Variants in SERGEF observed in about 807,000 individuals in gnomAD.
The protein encoded by SERGEF is secretion regulating guanine nucleotide exchange factor.
Under a neutral mutation model 50.0 loss-of-function variants are expected in SERGEF, and 51 were observed. That is an observed-to-expected ratio of 1.02 (90% CI 0.81 to 1.29). The LOEUF is 1.29. SERGEF is among the 50% of genes most tolerant of loss of function. The probability of loss-of-function intolerance (pLI) is 0.00; values close to 1 mark genes in which losing one functional copy is unlikely to be tolerated. For synonymous variants in SERGEF, 205 were observed against 212.4 expected (o/e 0.97, Z 0.30); for missense variants, 521 against 557.0 (o/e 0.94, Z 0.65).
At chr11:17,872,172 G>T (rs1851151564) in intron 10 of SERGEF, among the ~76,000 whole-genome samples, 1 of 152,174 alleles carries the variant, frequency 6.6e-6, no homozygotes, top group Non-Finnish European at 1.5e-5. Context: ...TCAAACAAAG[G>T]CATCTTTGGA....
intron 9 of SERGEF, among the ~76,000 whole-genome samples, chr11:17,895,241 G>A (rs576010282): frequency 1.3e-5 from 2 of 152,194 alleles, no homozygotes; most frequent in African/African-American, 2.4e-5. Flanking sequence ...AAAACAAAAC[G>A]TATTGAGGCC....
At chr11:17,843,026 C>T (rs577686046) in intron 10 of SERGEF, among the ~76,000 whole-genome samples, 6 of 152,310 alleles carry the variant, frequency 3.9e-5, no homozygotes, top group Non-Finnish European at 8.8e-5. Flanking sequence ...GGATCCCCAA[C>T]CTATAATAGT....
chr11:17,974,529 G>A (rs1271843561), intron 8 of SERGEF, among the ~76,000 whole-genome samples: 2 of 152,146 alleles, frequency 1.3e-5, no homozygotes, highest in African/African-American at 2.4e-5. Context: ...AAAGGGGCTG[G>A]TATAATGAAA....
At position 18,012,941 on chromosome 11, in the gene SERGEF, A is replaced by G. The variant is rs1590254836; in HGVS notation, c.60+10T>C. 1 of 1,513,286 alleles carries G rather than the reference A, an allele frequency of 6.6e-7. No individual in the cohort carries two copies. The highest frequency in any genetic ancestry group is 2.1e-5 in the Admixed American group (1 of 48,432). The allele number at this position is 1,513,286 out of a possible 1,614,324, so 93.7% of individuals were successfully genotyped here. A position where few individuals can be genotyped will look rare whatever the true frequency, so the allele number is the denominator to read the frequency against. On this transcript the variant is annotated intron_variant, in intron 1 of 10. Transcript: ENST00000265965. ...AGGGCCTGCACCGGCCCGGGGGCGGAGTCACGTACCCAGGCGAAGAGCGCG... is the reference window on the plus strand; with the variant it reads ...AGGGCCTGCACCGGCCCGGGGGCGGGGTCACGTACCCAGGCGAAGAGCGCG...
intron 10 of SERGEF, among the ~76,000 whole-genome samples, chr11:17,853,063 C>T (rs1438768489): frequency 6.6e-6 from 1 of 152,102 alleles, no homozygotes; most frequent in South Asian, 2.1e-4. Context: ...TTTTTCAAGT[C>T]CCACCTTAGA....
chr11:17,886,909 T>C (rs559292063), intron 9 of SERGEF, among the ~76,000 whole-genome samples: 1 of 152,328 alleles, frequency 6.6e-6, no homozygotes, highest in East Asian at 1.9e-4. Flanking sequence ...GATGGACACC[T>C]GTCTCAATGT....
intron 9 of SERGEF, among the ~76,000 whole-genome samples, chr11:17,930,881 G>A (rs1205586161): frequency 1.3e-5 from 2 of 152,172 alleles, no homozygotes; most frequent in African/African-American, 4.8e-5. Flanking sequence ...ATGTCAGTCA[G>A]CTGTAATCAG....
At chr11:17,856,893 A>G (rs1051728025) in intron 10 of SERGEF, 13 of 152,190 alleles carry the variant, frequency 8.5e-5, no homozygotes, top group African/African-American at 3.1e-4. Context: ...TTTGTTTCTT[A>G]AATCACATTT....
At chr11:17,832,995 A>C (rs527532927) in intron 10 of SERGEF, among the ~76,000 whole-genome samples, 2 of 152,322 alleles carry the variant, frequency 1.3e-5, no homozygotes, top group South Asian at 4.1e-4. Context: ...TACAAAAGAA[A>C]ATCTCATTTT....
intron 10 of SERGEF, among the ~76,000 whole-genome samples, chr11:17,798,835 GGAA>G (rs1849612721): frequency 6.6e-6 from 1 of 152,194 alleles, no homozygotes; most frequent in African/African-American, 2.4e-5. Context: ...AACAGCTCTG[GGAA>G]GAAGATATTT....
intron 9 of SERGEF, among the ~76,000 whole-genome samples, chr11:17,919,199 G>A (rs1443631680): frequency 1.3e-5 from 2 of 152,196 alleles, no homozygotes; most frequent in Non-Finnish European, 2.9e-5. Context: ...CTCAAAAGAT[G>A]CTGAATGTAT....
At chr11:17,968,216 G>T (rs77571857) in intron 8 of SERGEF, among the ~76,000 whole-genome samples, 1 of 152,130 alleles carries the variant, frequency 6.6e-6, no homozygotes, top group Admixed American at 6.5e-5. Flanking sequence ...AGGTATTGCT[G>T]TTACCACCAA....
At chr11:17,806,936 T>C (rs981140634) in intron 10 of SERGEF, among the ~76,000 whole-genome samples, 1 of 152,062 alleles carries the variant, frequency 6.6e-6, no homozygotes, top group African/African-American at 2.4e-5. Context: ...CAGGACTTTG[T>C]TCATGCTGCC....
intron 9 of SERGEF, among the ~76,000 whole-genome samples, chr11:17,915,553 A>G (rs1852034065): frequency 6.6e-6 from 1 of 152,200 alleles, no homozygotes; most frequent in Non-Finnish European, 1.5e-5. Context: ...AACTATTCTG[A>G]GGACCATTAA....
intron 10 of SERGEF, among the ~76,000 whole-genome samples, chr11:17,845,300 CCTT>C (rs1218555375): frequency 5.9e-5 from 9 of 152,204 alleles, no homozygotes; most frequent in African/African-American, 1.4e-4. Flanking sequence ...AAAGCCTACT[CCTT>C]CTTCTACTCT....
In SERGEF at chr11:17,952,983, T is replaced by G. The variant is rs149103345; in HGVS notation, c.1011+6487A>C. Among the ~76,000 whole-genome samples the G allele has an allele frequency of 4.1e-4, 63 of 152,244 alleles. 1 individual carries two copies. Among genetic ancestry groups the G allele is most frequent in the Middle Eastern group, 3.4e-3 (1 of 294 alleles). ...TCAAGTTCTTGCCAAGATTCCCCTG[T>G]TACTTTACTTTTGCTCCCTTGAGCA... On this transcript the variant is annotated intron_variant, in intron 9 of 10. Coordinates refer to ENST00000265965, the MANE Select transcript of SERGEF (RefSeq NM_012139.4).
intron 9 of SERGEF, among the ~76,000 whole-genome samples, chr11:17,929,277 T>A (rs1852308653): frequency 6.6e-6 from 1 of 152,118 alleles, no homozygotes; most frequent in Non-Finnish European, 1.5e-5. Flanking sequence ...AATTGCCAGA[T>A]CCCCAGAGGA....
At chr11:17,963,364 T>TAAAAAA (rs1174880141) in intron 8 of SERGEF, among the ~76,000 whole-genome samples, 5 of 49,878 alleles carry the variant, frequency 1.0e-4, no homozygotes, top group Admixed American at 3.0e-4. Flanking sequence ...TTACTATTAG[T>TAAAAAA]AAAAAAAAAA....
At chr11:17,815,324 C>G (rs756920937) in intron 10 of SERGEF, among the ~76,000 whole-genome samples, 1 of 151,806 alleles carries the variant, frequency 6.6e-6, no homozygotes, top group Non-Finnish European at 1.5e-5. Context: ...CCTGGCCGGG[C>G]ATGGTGGCTC....
Sources: allele counts gnomAD v4.1 joint callset (sites outside exome capture counted in the v4.1 genomes callset), GRCh38; gene constraint gnomAD v4.1.1; transcripts MANE v1.5; gene names NCBI Gene and HGNC (gene_info 2026-07-23, HGNC 2026-07-21).